LATS1: variants seen among roughly 807,000 people sequenced by gnomAD.
The protein encoded by LATS1 is large tumor suppressor kinase 1, also known as serine/threonine-protein kinase LATS1.
LATS1 carries 25 observed loss-of-function variants against 106.6 expected under a neutral mutation model. The ratio of observed to expected loss-of-function variants is 0.23; its 90% CI spans 0.17 to 0.33. The LOEUF (loss-of-function observed/expected upper bound fraction) is 0.33, where lower values mean the gene tolerates loss of function less well. Ranked by LOEUF, LATS1 falls within the 10% of genes least tolerant of loss-of-function variation. LATS1 has a pLI of 1.00. For missense variants in LATS1, 1,040 were observed against 1,382.6 expected (o/e 0.75, Z 3.93); for synonymous variants, 465 against 455.6 (o/e 1.02, Z -0.26).
rs531614293 is a variant in LATS1, at chr6:149,706,124, G to A, written c.-140-3858C>T. 4.1e-5 allele frequency among the ~76,000 whole-genome samples: 6 copies of A among 145,340 alleles called. No homozygotes were observed. In the East Asian group the frequency reaches 1.2e-3, roughly 29 times the overall value. ...CTTGAACCCGGGAGGTGGAGGTTGT[G>A]GTGAGCCGAGATCGTGCCATTGCAC... On this transcript the variant is annotated intron_variant, in intron 1 of 7. Transcript: ENST00000543571.
chr6:149,670,374 G>GA (rs1294076820), intron 7 of LATS1, among the ~76,000 whole-genome samples: 1 of 151,750 alleles, frequency 6.6e-6, no homozygotes, highest in Admixed American at 6.6e-5. Flanking sequence ...AATTAAACTG[G>GA]AAAAAGACTA....
At chr6:149,691,924 G>A (rs1007069991) in intron 3 of LATS1, among the ~76,000 whole-genome samples, 2 of 151,748 alleles carry the variant, frequency 1.3e-5, no homozygotes, top group South Asian at 2.1e-4. Flanking sequence ...CTACCATCAC[G>A]CACCATATGT....
intron 1 of LATS1, among the ~76,000 whole-genome samples, chr6:149,710,452 T>A (rs758845711): frequency 2.0e-5 from 3 of 152,216 alleles, no homozygotes; most frequent in Non-Finnish European, 4.4e-5. Flanking sequence ...CTGGGCCTAT[T>A]GCTACATAGG....
chr6:149,659,991 T>A lies in LATS1; in HGVS notation c.*1738A>T, dbSNP rs917029485. On this transcript the variant is annotated 3_prime_UTR_variant, in exon 8 of 8. Coordinates refer to ENST00000543571, the MANE Select transcript of LATS1 (RefSeq NM_004690.4). ...TACAGACCTTTTCCATCACAAATTA[T>A]CAGCTTATATAAGATGTGCTGAGTA... 1 of 231,932 alleles carries A rather than the reference T, an allele frequency of 4.3e-6. No individual in the cohort carries two copies. The allele number at this position is 231,932 out of a possible 1,614,324, so 14.4% of individuals were successfully genotyped here.
chr6:149,706,260 T>C (rs1423412230), intron 1 of LATS1, among the ~76,000 whole-genome samples: 4 of 134,526 alleles, frequency 3.0e-5, no homozygotes, highest in African/African-American at 1.1e-4. Flanking sequence ...CCCAACACTT[T>C]GGGAGGCCAA....
intron 7 of LATS1, among the ~76,000 whole-genome samples, chr6:149,663,596 T>G (rs1362926175): frequency 6.6e-6 from 1 of 152,178 alleles, no homozygotes; most frequent in Non-Finnish European, 1.5e-5. Context: ...TCAGCTACTA[T>G]AGAGGGAAGA....
chr6:149,716,185 A>G (rs1253560992), intron 1 of LATS1: 5 of 152,270 alleles, frequency 3.3e-5, no homozygotes, highest in Middle Eastern at 6.8e-3. Flanking sequence ...TTTGGGTTGA[A>G]TTAAGTTTAT....
rs1268926995 is a variant in LATS1, at chr6:149,683,719, T to G, written c.1370A>C (p.Asn457Thr). ...AAAAGAATTTGACCTCACTGGTATG[T>G]TAGGTTGCCATGTAGGGATTTCATG... The part of the protein sequence containing the change: ...SGHEIPTWQP[N>T]IPVRSNSFNN... Residue 457 changes from asparagine (N) to threonine (T), a missense_variant, in exon 4 of 8, where the codon AAC becomes ACC. Asn to Thr is a moderately conservative substitution (Grantham distance 65). Around this residue, in one of 7 missense-constraint regions of LATS1, gnomAD observed 624 missense variants for 714.8 expected, o/e 0.87. Coordinates refer to ENST00000543571, the MANE Select transcript of LATS1 (RefSeq NM_004690.4). The G allele has an allele frequency of 1.2e-6, 2 of 1,614,146 alleles. No homozygotes were observed. Among genetic ancestry groups the G allele is most frequent in the Non-Finnish European group, 1.7e-6 (2 of 1,180,028 alleles).
chr6:149,681,990 T>C (rs1176021174), intron 4 of LATS1, among the ~76,000 whole-genome samples: 1 of 151,942 alleles, frequency 6.6e-6, no homozygotes, highest in Non-Finnish European at 1.5e-5. Flanking sequence ...CGGGCGCTTG[T>C]AGTCCCAGCT....
At position 149,661,968 on chromosome 6, in the gene LATS1, TATC is replaced by T. The variant is rs752941265; in HGVS notation, c.3151_3153del (p.Asp1051del). On this transcript the variant is annotated inframe_deletion, in exon 8 of 8. Coordinates refer to ENST00000543571, the MANE Select transcript of LATS1 (RefSeq NM_004690.4). ...GTGTCATTTACATTTTCTTCCTCGT[TATC>T]ATCACTCCATAATTTATCAGGATCA... 2 of 1,614,168 alleles carry T rather than the reference TATC, an allele frequency of 1.2e-6. No individual in the cohort carries two copies. Among genetic ancestry groups the T allele is most frequent in the South Asian group, 1.1e-5 (1 of 91,086 alleles).
At position 149,700,468 on chromosome 6, in the gene LATS1, G is replaced by A. The variant is rs554766501; in HGVS notation, c.348+1311C>T. ...AGTTTGGGTGACTGAGCAAGGCTCCGTCTCAAAAAATATAAAAAATAAAAC... is the reference window on the plus strand; with the variant it reads ...AGTTTGGGTGACTGAGCAAGGCTCCATCTCAAAAAATATAAAAAATAAAAC... On this transcript the variant is annotated intron_variant, in intron 2 of 7. Coordinates refer to ENST00000543571, the MANE Select transcript of LATS1 (RefSeq NM_004690.4). 3.5e-3 allele frequency among the ~76,000 whole-genome samples: 529 copies of A among 152,170 alleles called. 3 individuals are homozygous for A. The highest frequency in any genetic ancestry group is 0.02 in the Middle Eastern group (6 of 294).
intron 3 of LATS1, among the ~76,000 whole-genome samples, chr6:149,685,142 G>T (rs1187803263): frequency 6.6e-6 from 1 of 152,004 alleles, no homozygotes; most frequent in Non-Finnish European, 1.5e-5. Context: ...GGAGGCTGAG[G>T]CAGGAGAATT....
chr6:149,705,695 C>T (rs541371250), intron 1 of LATS1, among the ~76,000 whole-genome samples: 6 of 152,082 alleles, frequency 3.9e-5, no homozygotes, highest in East Asian at 1.9e-4. Flanking sequence ...CAGTAGGTAG[C>T]GCAAAAATAT....
intron 4 of LATS1, among the ~76,000 whole-genome samples, chr6:149,682,719 A>T (rs1175238533): frequency 6.6e-6 from 1 of 152,028 alleles, no homozygotes. Context: ...CCAGCCTGAG[A>T]CCCACATATT....
intron 4 of LATS1, among the ~76,000 whole-genome samples, chr6:149,681,604 A>G (rs1027367102): frequency 2.0e-5 from 3 of 152,250 alleles, no homozygotes; most frequent in African/African-American, 7.2e-5. Context: ...AAATCCTAAG[A>G]ATTAAAATAT....
chr6:149,679,481 G>A (rs1781914956), intron 5 of LATS1, among the ~76,000 whole-genome samples: 1 of 151,526 alleles, frequency 6.6e-6, no homozygotes, highest in Non-Finnish European at 1.5e-5. Context: ...GAACCCAGGA[G>A]GGGGATATTG....
chr6:149,698,450 T>G (rs1241085531), intron 2 of LATS1, among the ~76,000 whole-genome samples: 1 of 152,114 alleles, frequency 6.6e-6, no homozygotes, highest in Non-Finnish European at 1.5e-5. Context: ...CTCACTATGT[T>G]GCCCAGGCTG....
At chr6:149,673,029 T>C (rs560134378) in intron 7 of LATS1, among the ~76,000 whole-genome samples, 3 of 152,008 alleles carry the variant, frequency 2.0e-5, no homozygotes, top group South Asian at 2.1e-4. Context: ...ATTTTCTATA[T>C]AGAAAATTAT....
rs1440462301 is a variant in LATS1, at chr6:149,661,599, A to C, written c.*130T>G. 3 of 653,578 alleles carry C rather than the reference A, an allele frequency of 4.6e-6. No homozygotes were observed. The highest frequency in any genetic ancestry group is 7.1e-6 in the Non-Finnish European group (3 of 419,870). 40.5% of individuals were successfully genotyped at this position (653,578 alleles called of 1,614,324 possible). A position where few individuals can be genotyped will look rare whatever the true frequency, so the allele number is the denominator to read the frequency against. Reference sequence around the variant, plus strand: ...AAAAGGATTTCCCATAATTTAGGAAAATAAAATATTGTACACAGAGCACAC... The same window carrying C: ...AAAAGGATTTCCCATAATTTAGGAACATAAAATATTGTACACAGAGCACAC... On this transcript the variant is annotated 3_prime_UTR_variant, in exon 8 of 8. Transcript: ENST00000543571.
Sources: allele counts gnomAD v4.1 joint callset (sites outside exome capture counted in the v4.1 genomes callset), GRCh38; gene constraint gnomAD v4.1.1; regional missense constraint gnomAD v4.1.1; transcripts MANE v1.5; gene names NCBI Gene and HGNC (gene_info 2026-07-23, HGNC 2026-07-21).